Variants in TCF12 observed in about 807,000 individuals in gnomAD.
The protein encoded by TCF12 is transcription factor 12, also known as DNA-binding protein HTF4.
Under a neutral mutation model 86.0 loss-of-function variants are expected in TCF12, and 45 were observed. The observed-to-expected ratio is 0.52, with a 90% CI of 0.41 to 0.67. The LOEUF is 0.67. Ranked by LOEUF, TCF12 falls within the 30% of genes least tolerant of loss-of-function variation. TCF12 has a pLI of 0.00. For synonymous variants in TCF12, 330 were observed against 299.6 expected (o/e 1.10, Z -1.05); for missense variants, 881 against 859.9 (o/e 1.02, Z -0.31).
chr15:56,980,933 A>G (rs2062859052), intron 3 of TCF12, among the ~76,000 whole-genome samples: 2 of 152,214 alleles, frequency 1.3e-5, no homozygotes, highest in African/African-American at 2.4e-5. Flanking sequence ...TAAATTCTCA[A>G]TACTCAAGAC....
At chr15:57,044,075 CAAG>C (rs1436960452) in intron 3 of TCF12, among the ~76,000 whole-genome samples, 1 of 151,640 alleles carries the variant, frequency 6.6e-6, no homozygotes, top group Non-Finnish European at 1.5e-5. Context: ...AAATTGGAAA[CAAG>C]AAGAAACAGT....
chr15:57,211,214 G>A (rs1329259597), intron 8 of TCF12, among the ~76,000 whole-genome samples: 1 of 152,122 alleles, frequency 6.6e-6, no homozygotes, highest in South Asian at 2.1e-4. Flanking sequence ...GTTATCTATC[G>A]GTAGGATGTC....
chr15:56,997,189 C>CA, intron 3 of TCF12, among the ~76,000 whole-genome samples: 1 of 152,308 alleles, frequency 6.6e-6, no homozygotes, highest in Admixed American at 6.5e-5. Flanking sequence ...TCCATTCTAA[C>CA]ACTCTTCACA....
chr15:57,253,597 C>T (rs2060216169), intron 16 of TCF12, 129 bp downstream of exon 16: 2 of 1,060,206 alleles, frequency 1.9e-6, no homozygotes, highest in Non-Finnish European at 2.7e-6. Context: ...ATTTTCTTTA[C>T]TGTCTTTGGC....
chr15:57,136,193 C>T (rs1283456954), intron 5 of TCF12, among the ~76,000 whole-genome samples: 1 of 152,148 alleles, frequency 6.6e-6, no homozygotes, highest in Admixed American at 6.5e-5. Context: ...AGACAGCTAT[C>T]CCTTGCAGCT....
chr15:56,993,692 G>A (rs1032616805), intron 3 of TCF12, among the ~76,000 whole-genome samples: 3 of 152,218 alleles, frequency 2.0e-5, no homozygotes, highest in Non-Finnish European at 2.9e-5. Flanking sequence ...GCCTTTGAAA[G>A]TTGAACTGAT....
At chr15:57,024,602 T>TTC (rs2065707320) in intron 3 of TCF12, among the ~76,000 whole-genome samples, 1 of 152,218 alleles carries the variant, frequency 6.6e-6, no homozygotes, top group African/African-American at 2.4e-5. Context: ...TCAGCTTTAT[T>TTC]AATGATAAGA....
In TCF12 at chr15:57,219,413, A is replaced by T. The variant is rs986104132; in HGVS notation, c.580-11739A>T. ...GCATAAGTTCCTTTTGAGTAGATCC[A>T]TGTGTGAATGCATAGTACTGAAGAC... On this transcript the variant is annotated intron_variant, in intron 8 of 20. Transcript: ENST00000333725. 6 of 1,398,016 alleles carry T rather than the reference A, an allele frequency of 4.3e-6. No homozygotes were observed. In the African/African-American group the frequency reaches 8.5e-5, roughly 20 times the overall value. The allele number at this position is 1,398,016 out of a possible 1,614,324, so 86.6% of individuals were successfully genotyped here.
chr15:57,037,400 C>T (rs778117510), intron 3 of TCF12, among the ~76,000 whole-genome samples: 2 of 151,936 alleles, frequency 1.3e-5, no homozygotes, highest in Non-Finnish European at 2.9e-5. Context: ...GAGATCGTGC[C>T]ATTGCCTTCC....
intron 5 of TCF12, among the ~76,000 whole-genome samples, chr15:57,110,938 TGTGGTTTCCTGGGCTAAAATGG>T (rs772122604): frequency 7.9e-5 from 12 of 151,906 alleles, no homozygotes; most frequent in Non-Finnish European, 1.3e-4. Flanking sequence ...AATGGCAGAG[TGTGGTTTCCTGGGCTAAAATGG>T]GTCAGTGGAC....
At chr15:56,972,891 A>T (rs1252002195) in intron 3 of TCF12, among the ~76,000 whole-genome samples, 1 of 152,202 alleles carries the variant, frequency 6.6e-6, no homozygotes, top group Non-Finnish European at 1.5e-5. Flanking sequence ...TGTTTGGACT[A>T]TATAGCTTCA....
At chr15:56,932,806 C>G (rs2060305471) in intron 3 of TCF12, among the ~76,000 whole-genome samples, 1 of 152,122 alleles carries the variant, frequency 6.6e-6, no homozygotes, top group South Asian at 2.1e-4. Context: ...ACCTTGGCCT[C>G]CCAAAGTGCT....
At chr15:57,190,257 A>T (rs1336930963) in intron 6 of TCF12, among the ~76,000 whole-genome samples, 2 of 152,220 alleles carry the variant, frequency 1.3e-5, no homozygotes, top group African/African-American at 4.8e-5. Flanking sequence ...TCAACTTTTT[A>T]AAAAGCTCAA....
At chr15:57,204,283 A>C (rs1433442945) in intron 8 of TCF12, among the ~76,000 whole-genome samples, 1 of 152,066 alleles carries the variant, frequency 6.6e-6, no homozygotes, top group African/African-American at 2.4e-5. Flanking sequence ...ACACACACAC[A>C]AAAAAATATT....
chr15:57,051,387 A>G (rs1350535281), intron 3 of TCF12, among the ~76,000 whole-genome samples: 1 of 152,210 alleles, frequency 6.6e-6, no homozygotes, highest in African/African-American at 2.4e-5. Context: ...AACCTTCCTC[A>G]GCTGTGGCTT....
chr15:56,993,629 G>A (rs2063559599), intron 3 of TCF12, among the ~76,000 whole-genome samples: 1 of 152,180 alleles, frequency 6.6e-6, no homozygotes, highest in Non-Finnish European at 1.5e-5. Flanking sequence ...CTGTCACCCA[G>A]GCTAACCATT....
At chr15:57,272,798 A>G (rs1020788380) in intron 18 of TCF12, among the ~76,000 whole-genome samples, 2 of 152,234 alleles carry the variant, frequency 1.3e-5, no homozygotes, top group Non-Finnish European at 2.9e-5. Flanking sequence ...ATAATGTGCA[A>G]TGAAAAATGC....
chr15:57,275,327 G>GGTGTGTGTGTGTGTGTGTGTGT (rs1171707504), intron 19 of TCF12, among the ~76,000 whole-genome samples: 3,595 of 64,012 alleles, frequency 0.056, 367 homozygotes, highest in Middle Eastern at 0.075. Context: ...GTAAGGTAGG[G>GGTGTGTGTGTGTGTGTGTGTGT]GTGTGTGTGT....
At chr15:57,251,551 A>AT in intron 14 of TCF12, 128 bp downstream of exon 14, 2 of 885,256 alleles carry the variant, frequency 2.3e-6, no homozygotes, top group Admixed American at 4.5e-5. Flanking sequence ...CAAATGGCTG[A>AT]TTCATTTGAA....
Sources: gnomAD v4.1 joint callset for allele counts (sites outside exome capture counted in the v4.1 genomes callset) on GRCh38, gnomAD v4.1.1 for gene constraint, MANE v1.5 for transcripts, NCBI Gene and HGNC (gene_info 2026-07-23, HGNC 2026-07-21) for gene names.